The following PSG8 variants were observed in gnomAD, a reference collection of about 807,000 sequenced individuals.
The protein encoded by PSG8 is pregnancy-specific beta-1-glycoprotein 8.
PSG8 carries 57 observed loss-of-function variants against 42.5 expected under a neutral mutation model. The ratio of observed to expected loss-of-function variants is 1.34; its 90% CI spans 1.08 to 1.67. The LOEUF (loss-of-function observed/expected upper bound fraction) is 1.67, where lower values mean the gene tolerates loss of function less well. Ranked by LOEUF, PSG8 falls within the 40% of genes most tolerant of loss-of-function variation. The probability of loss-of-function intolerance (pLI) is 0.00; values close to 1 mark genes in which losing one functional copy is unlikely to be tolerated. For missense variants in PSG8, 783 were observed against 518.6 expected (o/e 1.51, Z -4.95); for synonymous variants, 280 against 196.8 (o/e 1.42, Z -3.54).
At position 42,763,862 on chromosome 19, in the gene PSG8, A is replaced by T. The variant is rs562874456; in HGVS notation, c.430+54T>A. 135 of 1,612,726 alleles carry T rather than the reference A, an allele frequency of 8.4e-5. No individual in the cohort carries two copies. In the African/African-American group the frequency reaches 1.3e-3, roughly 15 times the overall value. On this transcript the variant is annotated intron_variant, in intron 2 of 4. Transcript: ENST00000306511. ...CAGGCCTGACAATCCTGTGTGTGTG[A>T]AGTAGAAGTGACCCCTGTCCCCCAA...
intron 3 of PSG8, 86 bp from the exon 4 acceptor site, chr19:42,755,352 A>G: frequency 6.4e-7 from 1 of 1,572,466 alleles, no homozygotes; most frequent in South Asian, 1.2e-5. Context: ...GGCATCTCCC[A>G]CTTCTCAGCC....
chr19:42,763,633 G>T (rs1003840040), intron 2 of PSG8: 11 of 562,860 alleles, frequency 2.0e-5, no homozygotes, highest in Non-Finnish European at 3.0e-5. Flanking sequence ...TTTATGAAGA[G>T]GGCATGAGGT....
intron 2 of PSG8, chr19:42,758,809 A>C (rs915940409): frequency 3.0e-5 from 5 of 163,990 alleles, no homozygotes; most frequent in Admixed American, 1.1e-4. Flanking sequence ...ACAGGGGAGA[A>C]CAGAGTCAAG....
In PSG8 at chr19:42,755,172, G is replaced by A; in HGVS notation, c.804C>T (p.Asn268=). The A allele has an allele frequency of 6.2e-7, 1 of 1,611,886 alleles. No individual in the cohort carries two copies. The highest frequency in any genetic ancestry group is 1.1e-5 in the South Asian group (1 of 90,976). ...CATTTAGCCACCAAATGTAGGTGTA[G>A]TTCTCACTCTTAGGTTCACAGGTGA... ...LNFTCEPKSE[N]YTYIWWLNGQ... The change falls in exon 4 of 5, where the codon AAC becomes AAT. Residue 268 remains asparagine, a synonymous_variant. Transcript: ENST00000306511.
chr19:42,761,682 T>C (rs56185235), intron 2 of PSG8, among the ~76,000 whole-genome samples: 1 of 152,018 alleles, frequency 6.6e-6, no homozygotes, highest in Non-Finnish European at 1.5e-5. Context: ...AGTCCTGTGC[T>C]CCTGAAACTA....
At chr19:42,753,955 A>G (rs1220578711), downstream of PSG8, 1 of 582,670 alleles carries the variant, frequency 1.7e-6, no homozygotes, top group South Asian at 1.6e-5. Flanking sequence ...AAACTGCGGT[A>G]TAGTTTATTG....
At chr19:42,756,108 G>A (rs1242215905) in intron 3 of PSG8, 1 of 152,214 alleles carries the variant, frequency 6.6e-6, no homozygotes, top group Non-Finnish European at 1.5e-5. Flanking sequence ...TAGAAAGGGT[G>A]GGAAGGATCT....
At position 42,755,213 on chromosome 19, in the gene PSG8, T is replaced by C; in HGVS notation, c.763A>G (p.Lys255Glu). 2 of 1,612,038 alleles carry C rather than the reference T, an allele frequency of 1.2e-6. No individual in the cohort carries two copies. The highest frequency in any genetic ancestry group is 1.7e-6 in the Non-Finnish European group (2 of 1,179,796). ...TINNLKPREN[K>E]DVLNFTCEPK... ...TCACAGGTGAAGTTTAAGACATCCT[T>C]ATTCTCCCTGGGTTTTAAGTTGTTG... The change falls in exon 4 of 5, where the codon AAG (lysine) becomes GAG (glutamate). Residue 255 changes from lysine to glutamate, a missense_variant. Physicochemically the swap from Lys to Glu is moderately conservative, Grantham distance 56. Transcript: ENST00000306511.
chr19:42,759,713 C>T (rs892676261), intron 2 of PSG8, among the ~76,000 whole-genome samples: 5 of 152,082 alleles, frequency 3.3e-5, no homozygotes, highest in African/African-American at 1.2e-4. Context: ...ATGTTATGTT[C>T]TGACTCTAGT....
At chr19:42,754,827 G>A (rs1969875764) in intron 4 of PSG8, 161 bp downstream of exon 4, 1 of 1,486,994 alleles carries the variant, frequency 6.7e-7, no homozygotes, top group Non-Finnish European at 9.0e-7. Flanking sequence ...GGTTAAGGCT[G>A]TGCCTACCCA....
chr19:42,760,029 A>G (rs1414661216), intron 2 of PSG8, among the ~76,000 whole-genome samples: 1 of 152,196 alleles, frequency 6.6e-6, no homozygotes, highest in Non-Finnish European at 1.5e-5. Context: ...ATGTTAGTAA[A>G]TATAGAAAGA....
At chr19:42,758,395 C>T in intron 2 of PSG8, 115 bp from the exon 3 acceptor site, 21 of 1,528,686 alleles carry the variant, frequency 1.4e-5, no homozygotes, top group Non-Finnish European at 1.8e-5. Context: ...TCCTTAAAAG[C>T]CCATGGCAGG....
intron 3 of PSG8, among the ~76,000 whole-genome samples, chr19:42,756,924 G>A (rs1231746084): frequency 6.6e-6 from 1 of 151,430 alleles, no homozygotes; most frequent in Non-Finnish European, 1.5e-5. Context: ...AACTCACTTT[G>A]GGAATATTAT....
downstream of PSG8, chr19:42,753,361 C>T: frequency 1.3e-6 from 1 of 780,372 alleles, no homozygotes. Flanking sequence ...TAGTAGAATT[C>T]AGGGTAATGT....
downstream of PSG8, chr19:42,753,475 T>C (rs879177212): frequency 8.9e-5 from 65 of 727,904 alleles, no homozygotes; most frequent in Non-Finnish European, 1.3e-4. Flanking sequence ...TTTCTCTCTA[T>C]GGGCATCTCT....
rs192338151 is a variant in PSG8, at chr19:42,758,098, A to G, written c.613T>C (p.Leu205=). The G allele has an allele frequency of 2.2e-4, 360 of 1,614,012 alleles. 2 individuals carry two copies. The highest frequency in any genetic ancestry group is 3.1e-4 in the East Asian group (14 of 44,880). ...CCTGCAGTGTACTTTGTGACACCCA[A>G]TAGAAAGAGGGTCCTGTTGGTTTCA... ...LSETNRTLFL[L]GVTKYTAGPY... Residue 205 remains leucine, a synonymous_variant, in exon 3 of 5, where the codon TTG becomes CTG. Transcript: ENST00000306511.
At position 42,754,327 on chromosome 19, in the gene PSG8, G is replaced by A. The variant is rs146638942; in HGVS notation, c.1249C>T (p.Arg417Trp). Residue 417 changes from arginine (R) to tryptophan (W), a missense_variant, in exon 5 of 5, where the codon CGG becomes TGG. By Grantham distance (101) the Arg-to-Trp change is moderately radical. Transcript: ENST00000306511. ...KSMTVKVSGK[R>W]IPVSLAIGI ...CCTATTGCCAAGGATACTGGGATCC[G>A]CTTACCAGAGACTTTTACTGTCATG... 2.1e-5 allele frequency: 34 copies of A among 1,613,748 alleles called. No homozygotes were observed. In the East Asian group the frequency reaches 5.1e-4, roughly 24 times the overall value.
At chr19:42,754,209 A>G, downstream of PSG8, 1 of 1,568,834 alleles carries the variant, frequency 6.4e-7, no homozygotes, top group Non-Finnish European at 8.6e-7. Flanking sequence ...TAGGAGGAGA[A>G]TTTGGGATTT....
intron 2 of PSG8, among the ~76,000 whole-genome samples, chr19:42,763,150 T>C (rs1970119673): frequency 2.0e-5 from 3 of 152,186 alleles, no homozygotes; most frequent in South Asian, 2.1e-4. Context: ...TTAATTTGCT[T>C]CCATGAGAAA....
Sources: allele counts gnomAD v4.1 joint callset (sites outside exome capture counted in the v4.1 genomes callset), GRCh38; gene constraint gnomAD v4.1.1; transcripts MANE v1.5; gene names NCBI Gene and HGNC (gene_info 2026-07-23, HGNC 2026-07-21).